BBS2: variants seen among roughly 807,000 people sequenced by gnomAD.
The protein encoded by BBS2 is BBSome complex member BBS2.
BBS2 carries 62 observed loss-of-function variants against 83.0 expected under a neutral mutation model. The observed-to-expected ratio is 0.75, with a 90% CI of 0.61 to 0.92. BBS2 has a LOEUF of 0.92. Ranked by LOEUF, BBS2 falls within the 40% of genes least tolerant of loss-of-function variation. BBS2 has a pLI of 0.00. For synonymous variants in BBS2, 303 were observed against 326.1 expected (o/e 0.93, Z 0.76); for missense variants, 784 against 901.0 (o/e 0.87, Z 1.66).
chr16:56,494,961 C>CG (rs1396947155), intron 15 of BBS2, among the ~76,000 whole-genome samples: 2 of 120,656 alleles, frequency 1.7e-5, no homozygotes, highest in African/African-American at 3.2e-5. Context: ...GACTCCGTCT[C>CG]GAAAAAAAAA....
rs1420277794 is a variant in BBS2, at chr16:56,501,432, C to A, written c.1146G>T (p.Arg382Ser). The stretch of plus-strand genomic sequence containing the variant: ...GGCTGACTGAGAGCGTGGTGTGGAG[C>A]CTGGTATTGGCTGGGATTATGCCCC... ...GHRGIIPANT[R>S]LHTTLSVSLG... The change falls in exon 10 of 17, where the codon AGG becomes AGT. Residue 382 changes from arginine to serine, a missense_variant. Coordinates refer to ENST00000245157, the MANE Select transcript of BBS2 (RefSeq NM_031885.5). The A allele has an allele frequency of 4.3e-6, 7 of 1,614,136 alleles. No individual in the cohort carries two copies. Among genetic ancestry groups the A allele is most frequent in the Non-Finnish European group, 5.1e-6 (6 of 1,180,018 alleles).
intron 15 of BBS2, 131 bp downstream of exon 15, chr16:56,496,836 C>T (rs1299961954): frequency 5.2e-6 from 4 of 765,802 alleles, no homozygotes; most frequent in Non-Finnish European, 9.4e-6. Flanking sequence ...TTCAACTTTA[C>T]TGATAATGCC....
Position 56,501,421 on chromosome 16 carries a change from G to A in BBS2, c.1157C>T (p.Thr386Met), listed in dbSNP as rs138314289. Residue 386 changes from threonine to methionine, a missense_variant, in exon 10 of 17, where the codon ACG becomes ATG. Transcript: ENST00000245157. The part of the protein sequence containing the change: ...IIPANTRLHT[T>M]LSVSLGNETQ... ...CTCATTCCCCAGGCTGACTGAGAGC[G>A]TGGTGTGGAGCCTGGTATTGGCTGG... The A allele has an allele frequency of 1.4e-4, 221 of 1,614,076 alleles. No homozygotes were observed. Among genetic ancestry groups the A allele is most frequent in the Middle Eastern group, 4.9e-4 (3 of 6,084 alleles).
chr16:56,476,404 TA>T (rs59188420), intron 17 of BBS2: 6,831 of 303,978 alleles, frequency 0.022, no homozygotes, highest in Middle Eastern at 0.041. Context: ...ATCTCTTGAT[TA>T]AAAAAAAAAA....
chr16:56,502,892 G>A (rs1190642403), intron 7 of BBS2, 84 bp from the exon 8 acceptor site: 13 of 1,503,830 alleles, frequency 8.6e-6, no homozygotes. Context: ...CAGCTTTAAA[G>A]GTCATTTAGT....
intron 15 of BBS2, among the ~76,000 whole-genome samples, chr16:56,494,711 C>G (rs1456794953): frequency 5.3e-5 from 8 of 152,128 alleles, no homozygotes; most frequent in African/African-American, 1.9e-4. Flanking sequence ...ACCTGTAATC[C>G]CAGCACTTTG....
At position 56,514,359 on chromosome 16, in the gene BBS2, A is replaced by G. The variant is rs1256443975; in HGVS notation, c.345+94T>C. ...CCTATACTATAACAGTCATACAACA[A>G]ACAGACCAAAATAAATGATCTGATC... On this transcript the variant is annotated intron_variant, in intron 2 of 16. Coordinates refer to ENST00000245157, the MANE Select transcript of BBS2 (RefSeq NM_031885.5). 11 of 1,243,490 alleles carry G rather than the reference A, an allele frequency of 8.8e-6. No individual in the cohort carries two copies. In the East Asian group the frequency reaches 2.2e-4, roughly 24 times the overall value. 77.0% of individuals were successfully genotyped at this position (1,243,490 alleles called of 1,614,324 possible). A position where few individuals can be genotyped will look rare whatever the true frequency, so the allele number is the denominator to read the frequency against.
intron 15 of BBS2, 63 bp from the exon 16 acceptor site, chr16:56,485,801 T>C: frequency 6.5e-7 from 1 of 1,535,158 alleles, no homozygotes; most frequent in Non-Finnish European, 9.0e-7. Context: ...AAGAAAAACT[T>C]GCAAATTTCT....
At chr16:56,500,575 A>G in intron 11 of BBS2, 1 of 390,484 alleles carries the variant, frequency 2.6e-6, no homozygotes. Context: ...CAGTGAACTG[A>G]GATTGCCCCA....
At chr16:56,519,723 TC>T in intron 1 of BBS2, 22 bp downstream of exon 1, 1 of 1,587,030 alleles carries the variant, frequency 6.3e-7, no homozygotes, top group Non-Finnish European at 8.6e-7. Context: ...GGGCCCGGGC[TC>T]CCTGCGGGTG....
chr16:56,516,828 C>T (rs1180356333), intron 1 of BBS2, among the ~76,000 whole-genome samples: 1 of 152,164 alleles, frequency 6.6e-6, no homozygotes, highest in African/African-American at 2.4e-5. Flanking sequence ...GTTTTAATTG[C>T]TTTTAAGAAA....
Position 56,514,817 on chromosome 16 carries a change from C to T in BBS2, c.118-137G>A, listed in dbSNP as rs1964687366. On this transcript the variant is annotated intron_variant, in intron 1 of 16. Coordinates refer to ENST00000245157, the MANE Select transcript of BBS2 (RefSeq NM_031885.5). Reference sequence around the variant, plus strand: ...TTAATCTCCTATGAAACTTAAAACACTCGTACATAGTTCAATGCATGGACA... The same window carrying T: ...TTAATCTCCTATGAAACTTAAAACATTCGTACATAGTTCAATGCATGGACA... 8.9e-6 allele frequency: 6 copies of T among 673,220 alleles called. No individual in the cohort carries two copies. The East Asian group carries it at 1.4e-4, about 15-fold the overall frequency. The allele number at this position is 673,220 out of a possible 1,614,324, so 41.7% of individuals were successfully genotyped here.
At chr16:56,510,224 CA>C (rs1474747478) in intron 4 of BBS2, among the ~76,000 whole-genome samples, 190 bp from the exon 5 acceptor site, 26 of 152,218 alleles carry the variant, frequency 1.7e-4, no homozygotes, top group Non-Finnish European at 5.9e-5. Flanking sequence ...AATGAAGGAA[CA>C]GGGGCTACTG....
At chr16:56,507,774 T>C (rs1303460000) in intron 5 of BBS2, among the ~76,000 whole-genome samples, 1 of 151,848 alleles carries the variant, frequency 6.6e-6, no homozygotes, top group Admixed American at 6.6e-5. Context: ...TCAAGACCAG[T>C]CTGGCCAACA....
rs201196733 is a variant in BBS2 at position 56,497,013 on chromosome 16, G to C, written c.1864C>G (p.Arg622Gly). ...TCCTCAGCTCCGACCAGCAAACTTC[G>C]GATCAAATTAGAATGATCAGCCATA... The part of the protein sequence containing the change: ...ADMADHSNLI[R>G]SLLVGAEDAR... The change falls in exon 15 of 17, where the codon CGA becomes GGA. Residue 622 changes from arginine (R) to glycine (G), a missense_variant. Physicochemically the swap from Arg to Gly is moderately radical, Grantham distance 125. Transcript: ENST00000245157. 1 of 1,613,960 alleles carries C rather than the reference G, an allele frequency of 6.2e-7. No individual in the cohort carries two copies. The highest frequency in any genetic ancestry group is 8.5e-7 in the Non-Finnish European group (1 of 1,179,944).
intron 15 of BBS2, among the ~76,000 whole-genome samples, chr16:56,488,473 G>C (rs1963850036): frequency 6.6e-6 from 1 of 152,200 alleles, no homozygotes; most frequent in African/African-American, 2.4e-5. Flanking sequence ...GCATTTGCTA[G>C]TTTATTATAA....
At chr16:56,513,196 A>G (rs1400132679) in intron 2 of BBS2, among the ~76,000 whole-genome samples, 1 of 152,192 alleles carries the variant, frequency 6.6e-6, no homozygotes. Context: ...CATTTTCAGG[A>G]ACTTATCCTC....
intron 15 of BBS2, among the ~76,000 whole-genome samples, chr16:56,496,068 C>T (rs1191538378): frequency 1.3e-5 from 2 of 152,040 alleles, no homozygotes; most frequent in East Asian, 3.8e-4. Flanking sequence ...CTGAGCAAAA[C>T]CATTATAATT....
chr16:56,500,759 G>T, intron 11 of BBS2, 95 bp downstream of exon 11: 1 of 1,308,482 alleles, frequency 7.6e-7, no homozygotes, highest in East Asian at 2.3e-5. Context: ...TGGTTTCTCA[G>T]GCCCCCAAGA....
Sources: allele counts gnomAD v4.1 joint callset (sites outside exome capture counted in the v4.1 genomes callset), GRCh38; gene constraint gnomAD v4.1.1; transcripts MANE v1.5; gene names NCBI Gene and HGNC (gene_info 2026-07-23, HGNC 2026-07-21).